SESTD1: variants seen among roughly 807,000 people sequenced by gnomAD.
The protein encoded by SESTD1 is SEC14 and spectrin domain containing 1, also known as SEC14 domain and spectrin repeat-containing protein 1.
Under a neutral mutation model 101.7 loss-of-function variants are expected in SESTD1, and 43 were observed. That is an observed-to-expected ratio of 0.42 (90% CI 0.33 to 0.55). The LOEUF is 0.55. Among genes scored for constraint, SESTD1 ranks in the 20% least tolerant of loss-of-function variants. SESTD1 has a pLI of 0.07. For synonymous variants in SESTD1, 283 were observed against 286.8 expected, an observed-to-expected ratio of 0.99 and a Z score of 0.13; for missense variants, 647 against 815.1, an observed-to-expected ratio of 0.79 and a Z score of 2.51.
chr2:179,135,881 C>T (rs948551901), intron 9 of SESTD1, among the ~76,000 whole-genome samples: 3 of 152,192 alleles, frequency 2.0e-5, no homozygotes, highest in Admixed American at 1.3e-4. Flanking sequence ...TTACACAGCG[C>T]TAAGTTCATT....
intron 1 of SESTD1, among the ~76,000 whole-genome samples, chr2:179,200,502 C>G (rs1431299983): frequency 1.3e-5 from 2 of 152,152 alleles, no homozygotes; most frequent in Middle Eastern, 6.8e-3. Flanking sequence ...GGAGGCATCA[C>G]ATTACCTGAC....
Position 179,115,105 on chromosome 2 carries a change from C to A in SESTD1, c.1799G>T (p.Arg600Ile). The A allele has an allele frequency of 6.2e-7, 1 of 1,610,346 alleles. No homozygotes were observed. The highest frequency in any genetic ancestry group is 8.5e-7 in the Non-Finnish European group (1 of 1,179,238). The change falls in exon 16 of 18, where the codon AGA becomes ATA. Residue 600 changes from arginine to isoleucine, a missense_variant. Arg to Ile is a moderately conservative substitution (Grantham distance 97). This residue lies in a region of SESTD1 where 476 missense variants were observed against 562.6 expected (regional missense o/e 0.85). Transcript: ENST00000428443. ...FTIASEERVHRLEMAIAFHSN... is the reference protein window; with the variant it reads ...FTIASEERVHILEMAIAFHSN... ...GTGAAATGCAATAGCCATTTCCAAT[C>A]TATGTACTCTCTCTTCAGATGCTAT...
In SESTD1 at chr2:179,205,112, C is replaced by A. The variant is rs2046572756; in HGVS notation, c.-25-13246G>T. On this transcript the variant is annotated intron_variant, in intron 1 of 17. Coordinates refer to ENST00000428443, the MANE Select transcript of SESTD1 (RefSeq NM_178123.5). Reference sequence around the variant, plus strand: ...CTCCTTAAGGTGGCTAAAATAGGCTCCTCTTTTAATCAGTGGAGAAAGTTG... The same window carrying A: ...CTCCTTAAGGTGGCTAAAATAGGCTACTCTTTTAATCAGTGGAGAAAGTTG... 1.5e-5 allele frequency among the ~76,000 whole-genome samples: 2 copies of A among 133,940 alleles called. 1 individual carries two copies. The highest frequency in any genetic ancestry group is 5.9e-5 in the African/African-American group (2 of 33,774). The allele number at this position is 133,940 out of a possible 152,430, so 87.9% of individuals were successfully genotyped here.
chr2:179,115,127 C>T lies in SESTD1; in HGVS notation c.1777G>A (p.Ala593Thr). 6.2e-7 allele frequency: 1 copy of T among 1,613,272 alleles called. No individual in the cohort carries two copies. The highest frequency in any genetic ancestry group is 8.5e-7 in the Non-Finnish European group (1 of 1,179,792). The change falls in exon 16 of 18, where the codon GCA becomes ACA. Residue 593 changes from alanine to threonine, a missense_variant. Coordinates refer to ENST00000428443, the MANE Select transcript of SESTD1 (RefSeq NM_178123.5). Reference protein sequence around the residue: ...LNRVWKQFTIASEERVHRLEM... With the variant: ...LNRVWKQFTITSEERVHRLEM... Reference sequence around the variant, plus strand: ...AATCTATGTACTCTCTCTTCAGATGCTATTGTAAATTGTTTCCATACTCTG... The same window carrying T: ...AATCTATGTACTCTCTCTTCAGATGTTATTGTAAATTGTTTCCATACTCTG...
intron 1 of SESTD1, among the ~76,000 whole-genome samples, chr2:179,238,850 T>C (rs2047107307): frequency 6.6e-6 from 1 of 152,166 alleles, no homozygotes; most frequent in African/African-American, 2.4e-5. Context: ...ACTGACCTCT[T>C]TTCTCCTTCT....
At chr2:179,113,270 A>G (rs555672886) in intron 16 of SESTD1, among the ~76,000 whole-genome samples, 3 of 152,352 alleles carry the variant, frequency 2.0e-5, no homozygotes, top group African/African-American at 7.2e-5. Context: ...GTGTTCTCAA[A>G]GAGCATATAG....
In SESTD1 at chr2:179,109,537, G is replaced by A. The variant is rs1200732254; in HGVS notation, c.*362C>T. On this transcript the variant is annotated 3_prime_UTR_variant, in exon 18 of 18. Transcript: ENST00000428443. The stretch of plus-strand genomic sequence containing the variant: ...TAAATTTACTAAATCACCTGTGGAG[G>A]AAGGGCAACTTTTTTTTTTCTTTTT... 2.5e-6 allele frequency: 1 copy of A among 394,662 alleles called. No homozygotes were observed. The highest frequency in any genetic ancestry group is 4.5e-6 in the Non-Finnish European group (1 of 223,702). The allele number at this position is 394,662 out of a possible 1,614,324, so 24.4% of individuals were successfully genotyped here.
chr2:179,200,241 A>G (rs1034298223), intron 1 of SESTD1, among the ~76,000 whole-genome samples: 12 of 152,150 alleles, frequency 7.9e-5, no homozygotes, highest in Non-Finnish European at 1.3e-4. Context: ...TTCAAGGAGA[A>G]CTACAAACCA....
chr2:179,179,965 T>C (rs766247221), intron 3 of SESTD1, among the ~76,000 whole-genome samples: 1 of 152,220 alleles, frequency 6.6e-6, no homozygotes, highest in African/African-American at 2.4e-5. Flanking sequence ...TCAGATTCTG[T>C]AGGGTCTGCC....
intron 1 of SESTD1, among the ~76,000 whole-genome samples, chr2:179,229,782 T>TACAC (rs141203169): frequency 0.037 from 4,217 of 115,274 alleles, 181 homozygotes; most frequent in African/African-American, 0.094. Context: ...TATACTCAAA[T>TACAC]ACACACACAC....
chr2:179,143,056 C>G (rs891465685), intron 9 of SESTD1, among the ~76,000 whole-genome samples: 2 of 141,004 alleles, frequency 1.4e-5, no homozygotes, highest in Non-Finnish European at 3.0e-5. Context: ...ATCTAAATAA[C>G]AGAAATGTCT....
At chr2:179,157,496 T>C (rs1033048730) in intron 5 of SESTD1, among the ~76,000 whole-genome samples, 2 of 152,092 alleles carry the variant, frequency 1.3e-5, no homozygotes, top group African/African-American at 2.4e-5. Context: ...AACAGTGTCA[T>C]TGTTTCTTTG....
chr2:179,114,972 G>A, intron 16 of SESTD1, 93 bp downstream of exon 16: 1 of 1,028,386 alleles, frequency 9.7e-7, no homozygotes, highest in Non-Finnish European at 1.4e-6. Flanking sequence ...TTGAAAAATA[G>A]ATTAGTCATA....
chr2:179,189,621 G>T (rs531444638), intron 2 of SESTD1, among the ~76,000 whole-genome samples: 2 of 152,028 alleles, frequency 1.3e-5, no homozygotes, highest in African/African-American at 4.8e-5. Flanking sequence ...GAAAAAGGAG[G>T]AGTCAAATTA....
At chr2:179,180,113 C>T (rs1213190994) in intron 3 of SESTD1, among the ~76,000 whole-genome samples, 1 of 152,124 alleles carries the variant, frequency 6.6e-6, no homozygotes, top group Non-Finnish European at 1.5e-5. Flanking sequence ...ATCTGAAACA[C>T]AAAACAAACT....
rs369892806 is a variant in SESTD1 at position 179,112,840 on chromosome 2, C to A, written c.1845G>T (p.Leu615Phe). The change falls in exon 17 of 18, where the codon TTG (leucine) becomes TTT (phenylalanine). Residue 615 changes from leucine (L) to phenylalanine (F), a missense_variant. Transcript: ENST00000428443. Reference sequence around the variant, plus strand: ...CTTCAGGCTCTTCTGGACAGTCCTGCAAAATCTGCAACAAATAAAAGAGCA... The same window carrying A: ...CTTCAGGCTCTTCTGGACAGTCCTGAAAAATCTGCAACAAATAAAAGAGCA... ...IAFHSNAEKI[L>F]QDCPEEPEAI... 1 of 1,607,834 alleles carries A rather than the reference C, an allele frequency of 6.2e-7. No individual in the cohort carries two copies.
intron 17 of SESTD1, among the ~76,000 whole-genome samples, 192 bp downstream of exon 17, chr2:179,112,532 T>A (rs533611642): frequency 6.6e-6 from 1 of 152,248 alleles, no homozygotes; most frequent in African/African-American, 2.4e-5. Flanking sequence ...AACGCATCTG[T>A]TGTTGGCAAG....
intron 9 of SESTD1, among the ~76,000 whole-genome samples, chr2:179,133,255 G>A (rs1575432321): frequency 6.6e-6 from 1 of 152,096 alleles, no homozygotes; most frequent in East Asian, 1.9e-4. Flanking sequence ...ACAGGACTAT[G>A]CCCATTATGA....
chr2:179,253,279 GA>G (rs1574070027), intron 1 of SESTD1, among the ~76,000 whole-genome samples: 2 of 151,818 alleles, frequency 1.3e-5, no homozygotes, highest in East Asian at 3.9e-4. Flanking sequence ...AGACTAAGGA[GA>G]AATGACAACT....
Sources: allele counts gnomAD v4.1 joint callset (sites outside exome capture counted in the v4.1 genomes callset), GRCh38; gene constraint gnomAD v4.1.1; regional missense constraint gnomAD v4.1.1; transcripts MANE v1.5; gene names NCBI Gene and HGNC (gene_info 2026-07-23, HGNC 2026-07-21).